The following LCP1 variants were observed in gnomAD, a reference collection of about 807,000 sequenced individuals.
LCP1 encodes the protein plastin-2.
In LCP1, 23 loss-of-function variants were observed where a neutral mutation model predicts 72.0. That is an observed-to-expected ratio of 0.32 (90% CI 0.23 to 0.45). The LOEUF (loss-of-function observed/expected upper bound fraction) is 0.45, where lower values mean the gene tolerates loss of function less well. Ranked by LOEUF, LCP1 falls within the 20% of genes least tolerant of loss-of-function variation. The pLI is 1.00. For missense variants in LCP1, 571 were observed against 748.3 expected (o/e 0.76, Z 2.76); for synonymous variants, 245 against 275.4 (o/e 0.89, Z 1.09).
intron 11 of LCP1, among the ~76,000 whole-genome samples, chr13:46,144,052 C>T (rs370591501): frequency 9.9e-5 from 15 of 150,960 alleles, no homozygotes; most frequent in Admixed American, 5.3e-4. Flanking sequence ...GGCGACAGAG[C>T]GAGACTCCAT....
Position 46,127,294 on chromosome 13 carries a change from T to G in LCP1, c.*297A>C. 3.1e-6 allele frequency: 1 copy of G among 319,324 alleles called. No individual in the cohort carries two copies. The highest frequency in any genetic ancestry group is 4.9e-5 in the East Asian group (1 of 20,616). The allele number at this position is 319,324 out of a possible 1,614,324, so 19.8% of individuals were successfully genotyped here. On this transcript the variant is annotated 3_prime_UTR_variant, in exon 16 of 16. Coordinates refer to ENST00000323076, the MANE Select transcript of LCP1 (RefSeq NM_002298.5). ...TACCACTGCAGCTTCTATCCTTGGC[T>G]AATGGCAAAAGCGAGAAGGGTACCT... is the stretch of plus-strand genomic sequence containing the variant.
At chr13:46,181,558 T>C (rs2045955210) in intron 1 of LCP1, among the ~76,000 whole-genome samples, 1 of 152,090 alleles carries the variant, frequency 6.6e-6, no homozygotes, top group African/African-American at 2.4e-5. Flanking sequence ...GCACACCCAT[T>C]AAAAACCCTT....
chr13:46,152,101 A>G (rs2045772080), intron 7 of LCP1, among the ~76,000 whole-genome samples: 2 of 152,246 alleles, frequency 1.3e-5, no homozygotes, highest in Admixed American at 1.3e-4. Flanking sequence ...CATACACAGT[A>G]AGGTGGTTAC....
intron 10 of LCP1, among the ~76,000 whole-genome samples, chr13:46,145,680 C>T (rs2045725475): frequency 1.3e-5 from 1 of 77,820 alleles, no homozygotes; most frequent in African/African-American, 6.9e-5. Flanking sequence ...GAGGCCGAGG[C>T]GGGCGGATCA....
In LCP1 at chr13:46,159,674, T is replaced by G. The variant is rs762237727; in HGVS notation, c.-12A>C. 10 of 1,608,546 alleles carry G rather than the reference T, an allele frequency of 6.2e-6. No individual in the cohort carries two copies. The highest frequency in any genetic ancestry group is 8.5e-6 in the Non-Finnish European group (10 of 1,175,002). Reference sequence around the variant, plus strand: ...GATCCTCTGGCCATTTTTTATTGCTTTAGGTAACAGATCTGGAGAGAAGAA... The same window carrying G: ...GATCCTCTGGCCATTTTTTATTGCTGTAGGTAACAGATCTGGAGAGAAGAA... On this transcript the variant is annotated 5_prime_UTR_variant, in exon 2 of 16. Coordinates refer to ENST00000323076, the MANE Select transcript of LCP1 (RefSeq NM_002298.5).
chr13:46,150,549 A>G (rs2045757428), intron 8 of LCP1, among the ~76,000 whole-genome samples: 1 of 152,228 alleles, frequency 6.6e-6, no homozygotes, highest in Non-Finnish European at 1.5e-5. Context: ...TATAACTAGA[A>G]GAGTCATCTT....
chr13:46,129,053 T>A (rs2045618574), intron 15 of LCP1, among the ~76,000 whole-genome samples: 1 of 152,230 alleles, frequency 6.6e-6, no homozygotes, highest in Non-Finnish European at 1.5e-5. Context: ...TTCTTCCATA[T>A]TAATTATTAA....
At chr13:46,154,710 T>A in intron 6 of LCP1, 95 bp downstream of exon 6, 1 of 967,898 alleles carries the variant, frequency 1.0e-6, no homozygotes, top group Non-Finnish European at 1.6e-6. Flanking sequence ...GTTTTGCGAA[T>A]GATGTCTGAG....
chr13:46,128,884 T>TACTTTGGTTACACCAGAC (rs2045617382), intron 15 of LCP1, among the ~76,000 whole-genome samples: 1 of 150,986 alleles, frequency 6.6e-6, no homozygotes, highest in Non-Finnish European at 1.5e-5. Context: ...AGTGACCTCT[T>TACTTTGGTTACACCAGAC]ACTATGGTTA....
At chr13:46,179,061 C>G (rs181064164) in intron 1 of LCP1, among the ~76,000 whole-genome samples, 15 of 152,150 alleles carry the variant, frequency 9.9e-5, no homozygotes, top group Admixed American at 4.6e-4. Flanking sequence ...TCAAAGAGGC[C>G]CATTATTGGG....
chr13:46,167,935 T>C (rs1451838811), intron 1 of LCP1, among the ~76,000 whole-genome samples: 1 of 151,796 alleles, frequency 6.6e-6, no homozygotes, highest in Non-Finnish European at 1.5e-5. Context: ...AACGAACAAG[T>C]GAAAAGGTTA....
At chr13:46,145,864 C>G (rs1456268405) in intron 10 of LCP1, among the ~76,000 whole-genome samples, 2 of 67,376 alleles carry the variant, frequency 3.0e-5, no homozygotes, top group South Asian at 3.0e-4. Context: ...AGCCGAGATC[C>G]CGCCACTGCA....
At chr13:46,140,061 T>C (rs1350407275) in intron 13 of LCP1, among the ~76,000 whole-genome samples, 3 of 151,998 alleles carry the variant, frequency 2.0e-5, no homozygotes, top group Non-Finnish European at 4.4e-5. Flanking sequence ...AGCTGCAGCA[T>C]AGGAGGAGAA....
At chr13:46,167,438 G>A (rs2045882707) in intron 1 of LCP1, among the ~76,000 whole-genome samples, 1 of 152,046 alleles carries the variant, frequency 6.6e-6, no homozygotes, top group African/African-American at 2.4e-5. Context: ...TCCCATTAAG[G>A]GTGTGACACA....
rs1020746694 is a variant in LCP1 at position 46,126,463 on chromosome 13, G to C, written c.*1128C>G. On this transcript the variant is annotated 3_prime_UTR_variant, in exon 16 of 16. Transcript: ENST00000323076. ...CATTCTGCCCTTGACAGCTGGCTAG[G>C]TGTGTGTGTATGTGAGTAGGGGTGC... The C allele has an allele frequency of 3.9e-5, 9 of 231,836 alleles. No homozygotes were observed. The highest frequency in any genetic ancestry group is 2.0e-4 in the African/African-American group (9 of 45,224). The allele number at this position is 231,836 out of a possible 1,614,324, so 14.4% of individuals were successfully genotyped here. A position where few individuals can be genotyped will look rare whatever the true frequency, so the allele number is the denominator to read the frequency against.
intron 1 of LCP1, 117 bp from the exon 2 acceptor site, chr13:46,159,803 T>C (rs1439291930): frequency 3.1e-6 from 2 of 649,444 alleles, no homozygotes. Flanking sequence ...TCCCCCATGA[T>C]TTAGAACTAT....
At chr13:46,169,069 A>T (rs921281099) in intron 1 of LCP1, among the ~76,000 whole-genome samples, 8 of 152,230 alleles carry the variant, frequency 5.3e-5, no homozygotes, top group Non-Finnish European at 1.0e-4. Context: ...GCATGAAATG[A>T]CACCCAAGTT....
intron 1 of LCP1, among the ~76,000 whole-genome samples, chr13:46,160,422 G>C (rs187929285): frequency 2.6e-5 from 4 of 152,148 alleles, no homozygotes; most frequent in African/African-American, 9.7e-5. Flanking sequence ...TCTTTTTTAA[G>C]AGGTATCTTC....
intron 1 of LCP1, among the ~76,000 whole-genome samples, chr13:46,166,263 T>C (rs899983209): frequency 2.0e-5 from 3 of 152,204 alleles, no homozygotes; most frequent in African/African-American, 7.2e-5. Flanking sequence ...TCATAACTGA[T>C]AATTAAAAGC....
Sources: gnomAD v4.1 joint callset for allele counts (sites outside exome capture counted in the v4.1 genomes callset) on GRCh38, gnomAD v4.1.1 for gene constraint, MANE v1.5 for transcripts, NCBI Gene and HGNC (gene_info 2026-07-23, HGNC 2026-07-21) for gene names.